REL: variants seen among roughly 807,000 people sequenced by gnomAD.
REL encodes proto-oncogene c-Rel.
A neutral mutation model predicts 45.9 loss-of-function variants in REL; 15 were observed. That is an observed-to-expected ratio of 0.33 (90% CI 0.22 to 0.50). The LOEUF (loss-of-function observed/expected upper bound fraction) is 0.50, where lower values mean the gene tolerates loss of function less well. Ranked by LOEUF, REL falls within the 20% of genes least tolerant of loss-of-function variation. REL has a pLI of 0.98. For synonymous variants in REL, 239 were observed against 242.1 expected (o/e 0.99, Z 0.12); for missense variants, 601 against 715.2 (o/e 0.84, Z 1.82).
Position 60,918,255 on chromosome 2 carries a change from A to G in REL, c.600A>G (p.Gly200=), listed in dbSNP as rs1281306100. ...ACAAGAATTGTGGAAGTGTCAGAGG[A>G]GGAGATGAAATATTTCTACTTTGTG... ...RVNKNCGSVR[G]GDEIFLLCDK... The change falls in exon 6 of 10, where the codon GGA becomes GGG. Residue 200 remains glycine (G), a synonymous_variant. Coordinates refer to ENST00000394479, the MANE Select transcript of REL (RefSeq NM_001291746.2). The G allele has an allele frequency of 6.2e-7, 1 of 1,608,740 alleles. No homozygotes were observed. The highest frequency in any genetic ancestry group is 8.5e-7 in the Non-Finnish European group (1 of 1,176,270).
chr2:60,920,035 A>G lies in REL; in HGVS notation c.854-6A>G, dbSNP rs776325358. The G allele has an allele frequency of 1.1e-5, 17 of 1,596,332 alleles. No homozygotes were observed. Among genetic ancestry groups the G allele is most frequent in the Non-Finnish European group, 1.4e-5 (16 of 1,168,562 alleles). The stretch of plus-strand genomic sequence containing the variant: ...TTATCTGCTTTCCTGGTTTCTTTCT[A>G]ATCAGATACTTACGGCAATAAAGCA... On this transcript the variant is annotated splice_polypyrimidine_tract_variant and splice_region_variant and intron_variant, in intron 7 of 9. Coordinates refer to ENST00000394479, the MANE Select transcript of REL (RefSeq NM_001291746.2).
chr2:60,920,326 G>A lies in REL; in HGVS notation c.922+217G>A, dbSNP rs34819982. 380 of 614,380 alleles carry A rather than the reference G, an allele frequency of 6.2e-4. 1 individual carries two copies. The highest frequency in any genetic ancestry group is 5.7e-3 in the Middle Eastern group (13 of 2,262). 38.1% of individuals were successfully genotyped at this position (614,380 alleles called of 1,614,324 possible). A position where few individuals can be genotyped will look rare whatever the true frequency, so the allele number is the denominator to read the frequency against. On this transcript the variant is annotated intron_variant, in intron 8 of 9. Transcript: ENST00000394479. ...AACAATTCTCCTGCCTCAGCCTCCC[G>A]GGTAGCTGAGATTACAGGCATGTGC...
rs553693984 is a variant in REL at position 60,919,734 on chromosome 2, G to GT, written c.854-300dup. ...GCCACTGCGCCTGGCCAATTTTTCTGTTTTTTTATGGAGACAGGGTTTTGT... is the reference window on the plus strand; with the variant it reads ...GCCACTGCGCCTGGCCAATTTTTCTGTTTTTTTTATGGAGACAGGGTTTTGT... On this transcript the variant is annotated intron_variant, in intron 7 of 9. Transcript: ENST00000394479. 9.4e-4 allele frequency among the ~76,000 whole-genome samples: 143 copies of GT among 151,730 alleles called. 2 individuals are homozygous for GT. The highest frequency in any genetic ancestry group is 1.8e-3 in the Non-Finnish European group (119 of 67,856).
intron 4 of REL, among the ~76,000 whole-genome samples, chr2:60,915,360 T>G (rs1178685977): frequency 6.6e-6 from 1 of 152,252 alleles, no homozygotes; most frequent in Non-Finnish European, 1.5e-5. Flanking sequence ...GTAGCTCTCA[T>G]ATTGCCTACA....
chr2:60,883,287 A>G (rs1380132742), intron 1 of REL, among the ~76,000 whole-genome samples: 1 of 152,254 alleles, frequency 6.6e-6, no homozygotes, highest in Non-Finnish European at 1.5e-5. Flanking sequence ...AAGGTTGAGC[A>G]GAACAATGCC....
At chr2:60,900,600 C>G (rs374987939) in intron 3 of REL, 1 of 169,314 alleles carries the variant, frequency 5.9e-6, no homozygotes, top group Non-Finnish European at 1.3e-5. Context: ...CTCGGCTTAC[C>G]GCAACCTCTG....
chr2:60,918,490 C>G lies in REL; in HGVS notation c.737C>G (p.Thr246Ser). The G allele has an allele frequency of 6.2e-7, 1 of 1,613,968 alleles. No homozygotes were observed. Among genetic ancestry groups the G allele is most frequent in the Non-Finnish European group, 8.5e-7 (1 of 1,179,962 alleles). Residue 246 changes from threonine to serine, a missense_variant, in exon 7 of 10, where the codon ACT becomes AGT. This residue lies in a region of REL where 241 missense variants were observed against 347.0 expected (regional missense o/e 0.69). Transcript: ENST00000394479. ...CGTCAAGTAGCCATTGTTTTCAAAA[C>G]TCCACCATATTGCAAAGCTATCACA... The part of the protein sequence containing the change: ...VHRQVAIVFK[T>S]PPYCKAITEP...
chr2:60,890,249 A>G (rs944827797), intron 1 of REL, among the ~76,000 whole-genome samples: 1 of 152,244 alleles, frequency 6.6e-6, no homozygotes, highest in African/African-American at 2.4e-5. Flanking sequence ...ATGTGTATGT[A>G]TATATGACAC....
chr2:60,917,932 A>G (rs1472554054), intron 5 of REL, among the ~76,000 whole-genome samples: 1 of 152,100 alleles, frequency 6.6e-6, no homozygotes, highest in Non-Finnish European at 1.5e-5. Context: ...GGTAGGATTG[A>G]TTGGCGGAAT....
At position 60,924,343 on chromosome 2, in the gene REL, GA is replaced by G; in HGVS notation, c.*1813del. 2 of 218,344 alleles carry G rather than the reference GA, an allele frequency of 9.2e-6. No individual in the cohort carries two copies. Among genetic ancestry groups the G allele is most frequent in the East Asian group, 6.8e-5 (1 of 14,654 alleles). 13.5% of individuals were successfully genotyped at this position (218,344 alleles called of 1,614,324 possible). ...TTTATTGTTGAATCTCCAATTTGTA[GA>G]AAAATGCCTACCTTATATTAAACAC... On this transcript the variant is annotated 3_prime_UTR_variant, in exon 10 of 10. Transcript: ENST00000394479.
intron 4 of REL, among the ~76,000 whole-genome samples, chr2:60,905,439 A>G (rs1475562351): frequency 6.6e-6 from 1 of 152,162 alleles, no homozygotes; most frequent in Admixed American, 6.5e-5. Context: ...AGTGGTTCTC[A>G]ATTTGAATGT....
At chr2:60,906,911 A>AT (rs1285004419) in intron 4 of REL, among the ~76,000 whole-genome samples, 21,993 of 108,162 alleles carry the variant, frequency 0.2, 2,581 homozygotes, top group Non-Finnish European at 0.27. Context: ...ATATATATAT[A>AT]TATTTTTTTT....
rs1005576398 is a variant in REL, at chr2:60,922,776, G to T, written c.*241G>T. ...GACAACTCAGAGGCCAGGCGCAGGGGCTCACACCTGTAATCCTAGCACTTT... is the reference window on the plus strand; with the variant it reads ...GACAACTCAGAGGCCAGGCGCAGGGTCTCACACCTGTAATCCTAGCACTTT... On this transcript the variant is annotated 3_prime_UTR_variant, in exon 10 of 10. Coordinates refer to ENST00000394479, the MANE Select transcript of REL (RefSeq NM_001291746.2). 1 of 1,097,664 alleles carries T rather than the reference G, an allele frequency of 9.1e-7. No individual in the cohort carries two copies. The highest frequency in any genetic ancestry group is 1.1e-6 in the Non-Finnish European group (1 of 898,236). 68.0% of individuals were successfully genotyped at this position (1,097,664 alleles called of 1,614,324 possible). A position where few individuals can be genotyped will look rare whatever the true frequency, so the allele number is the denominator to read the frequency against.
chr2:60,927,280 G>T lies in REL; in HGVS notation c.*4745G>T, dbSNP rs1458494665. On this transcript the variant is annotated 3_prime_UTR_variant, in exon 10 of 10. Coordinates refer to ENST00000394479, the MANE Select transcript of REL (RefSeq NM_001291746.2). ...TATGGAAATGATTTTTAAAGGGAAA[G>T]GTAATGATTTTCTGGCAGGAAAAGC... is the stretch of plus-strand genomic sequence containing the variant. 1 of 230,182 alleles carries T rather than the reference G, an allele frequency of 4.3e-6. No individual in the cohort carries two copies. Among genetic ancestry groups the T allele is most frequent in the African/African-American group, 2.2e-5 (1 of 45,182 alleles). The allele number at this position is 230,182 out of a possible 1,614,324, so 14.3% of individuals were successfully genotyped here.
intron 4 of REL, among the ~76,000 whole-genome samples, chr2:60,913,725 C>G (rs1467541470): frequency 6.6e-6 from 1 of 152,126 alleles, no homozygotes; most frequent in Non-Finnish European, 1.5e-5. Context: ...GTTTTCTTCT[C>G]TCATATCTTG....
chr2:60,891,551 T>C (rs1335165016), intron 1 of REL, 132 bp from the exon 2 acceptor site: 17 of 767,774 alleles, frequency 2.2e-5, no homozygotes, highest in Non-Finnish European at 3.2e-5. Flanking sequence ...AACATTTCGG[T>C]CTTGTTATTT....
rs141542045 is a variant in REL at position 60,909,489 on chromosome 2, C to T, written c.395-7388C>T. ...CTATTATTTGTAGAGACAGGGTCTC[C>T]GTATGTTGCCCAGGCTGGTCTTGAA... On this transcript the variant is annotated intron_variant, in intron 4 of 9. Coordinates refer to ENST00000394479, the MANE Select transcript of REL (RefSeq NM_001291746.2). 2.7e-3 allele frequency among the ~76,000 whole-genome samples: 408 copies of T among 151,760 alleles called. 2 individuals carry two copies. Among genetic ancestry groups the T allele is most frequent in the African/African-American group, 8.7e-3 (360 of 41,330 alleles).
chr2:60,913,490 T>C (rs1038393694), intron 4 of REL, among the ~76,000 whole-genome samples: 2 of 152,178 alleles, frequency 1.3e-5, no homozygotes, highest in African/African-American at 4.8e-5. Flanking sequence ...ATCCCTGAAA[T>C]CTGATATGTT....
intron 4 of REL, among the ~76,000 whole-genome samples, chr2:60,910,872 C>T (rs577122570): frequency 3.7e-4 from 56 of 152,266 alleles, no homozygotes; most frequent in African/African-American, 1.3e-3. Context: ...GCAGAGGCTG[C>T]AGTGAGCCAA....
Sources: gnomAD v4.1 joint callset for allele counts (sites outside exome capture counted in the v4.1 genomes callset) on GRCh38, gnomAD v4.1.1 for gene constraint, gnomAD v4.1.1 regional missense constraint, MANE v1.5 for transcripts, NCBI Gene and HGNC (gene_info 2026-07-23, HGNC 2026-07-21) for gene names.